ERI3: variants seen among roughly 807,000 people sequenced by gnomAD.
The protein encoded by ERI3 is ERI1 exoribonuclease 3.
Under a neutral mutation model 44.4 loss-of-function variants are expected in ERI3, and 18 were observed. The ratio of observed to expected loss-of-function variants is 0.41; its 90% CI spans 0.28 to 0.60. The LOEUF (loss-of-function observed/expected upper bound fraction) is 0.60. ERI3 is among the 20% of genes least tolerant of loss of function. ERI3 has a pLI of 0.36. For synonymous variants in ERI3, 183 were observed against 164.8 expected, an observed-to-expected ratio of 1.11 and a Z score of -0.84; for missense variants, 294 against 435.5, an observed-to-expected ratio of 0.68 and a Z score of 2.89.
Position 44,354,895 on chromosome 1 carries a change from G to A in ERI3, c.132C>T (p.Pro44=), listed in dbSNP as rs887219679. ...GGGGCCATTCAGCATCACCCACCCCGGGGTGTTGCCCCCAACTCGGGCCCA... is the reference window on the plus strand; with the variant it reads ...GGGGCCATTCAGCATCACCCACCCCAGGGTGTTGCCCCCAACTCGGGCCCA... ...TWMGPSWGQH[P]GHWGFPALTE... The change falls in exon 1 of 9, where the codon CCC becomes CCT. Residue 44 remains proline (P), a synonymous_variant. Coordinates refer to ENST00000372257, the MANE Select transcript of ERI3 (RefSeq NM_024066.3). The A allele has an allele frequency of 3.0e-6, 4 of 1,316,700 alleles. No homozygotes were observed. Among genetic ancestry groups the A allele is most frequent in the Non-Finnish European group, 3.9e-6 (4 of 1,024,002 alleles). 81.6% of individuals were successfully genotyped at this position (1,316,700 alleles called of 1,614,324 possible). A position where few individuals can be genotyped will look rare whatever the true frequency, so the allele number is the denominator to read the frequency against.
chr1:44,327,094 C>T (rs1433266185), intron 3 of ERI3, among the ~76,000 whole-genome samples: 1 of 152,156 alleles, frequency 6.6e-6, no homozygotes, highest in South Asian at 2.1e-4. Flanking sequence ...TGAAGCTGAC[C>T]CTTCAAGGGC....
intron 7 of ERI3, among the ~76,000 whole-genome samples, chr1:44,272,992 G>A (rs1288262848): frequency 6.6e-6 from 1 of 152,034 alleles, no homozygotes; most frequent in East Asian, 1.9e-4. Flanking sequence ...GAAGAACGAA[G>A]GGAATGTCTG....
At chr1:44,223,316 G>A (rs1258351097) in intron 8 of ERI3, among the ~76,000 whole-genome samples, 1 of 152,186 alleles carries the variant, frequency 6.6e-6, no homozygotes, top group Non-Finnish European at 1.5e-5. Flanking sequence ...TTTGGGGGTA[G>A]TGGGTGGAGG....
At chr1:44,353,590 C>A in intron 1 of ERI3, 1 of 985,428 alleles carries the variant, frequency 1.0e-6, no homozygotes, top group Non-Finnish European at 1.2e-6. Context: ...CTTTCTTCTA[C>A]TCAGATCCCC....
intron 7 of ERI3, among the ~76,000 whole-genome samples, chr1:44,264,280 C>G (rs1002386131): frequency 6.6e-6 from 1 of 152,174 alleles, no homozygotes; most frequent in Non-Finnish European, 1.5e-5. Flanking sequence ...AGGTTACTGA[C>G]AAGAAACATC....
At chr1:44,283,669 A>G (rs1645333852) in intron 7 of ERI3, among the ~76,000 whole-genome samples, 1 of 152,180 alleles carries the variant, frequency 6.6e-6, no homozygotes, top group Non-Finnish European at 1.5e-5. Flanking sequence ...AACCAAGTGC[A>G]AAGCACCTGT....
chr1:44,248,065 C>T (rs779223452), intron 7 of ERI3, 27 bp from the exon 8 acceptor site: 5 of 1,583,288 alleles, frequency 3.2e-6, no homozygotes, highest in Non-Finnish European at 4.3e-6. Context: ...AAGTGGTTAA[C>T]GGAGGCCCTG....
intron 2 of ERI3, among the ~76,000 whole-genome samples, chr1:44,341,684 C>A (rs1465818705): frequency 6.6e-6 from 1 of 151,962 alleles, no homozygotes; most frequent in Non-Finnish European, 1.5e-5. Context: ...CCCAGGAGTT[C>A]GAAACCAGCC....
chr1:44,343,742 A>G (rs138853423), intron 2 of ERI3, among the ~76,000 whole-genome samples: 173 of 152,280 alleles, frequency 1.1e-3, no homozygotes, highest in Middle Eastern at 6.8e-3. Flanking sequence ...TTTTATATCA[A>G]TGTTAATTTC....
intron 6 of ERI3, among the ~76,000 whole-genome samples, chr1:44,305,519 A>G (rs1645813732): frequency 6.6e-6 from 1 of 152,264 alleles, no homozygotes; most frequent in Non-Finnish European, 1.5e-5. Context: ...TTAAATCCAC[A>G]TCACTAAATA....
intron 7 of ERI3, among the ~76,000 whole-genome samples, chr1:44,280,366 C>A (rs1645261286): frequency 6.6e-6 from 1 of 152,064 alleles, no homozygotes; most frequent in South Asian, 2.1e-4. Context: ...AGGAATTGGC[C>A]CATTTCTCTA....
intron 1 of ERI3, 66 bp downstream of exon 1, chr1:44,354,826 C>T: frequency 1.5e-6 from 2 of 1,310,160 alleles, no homozygotes; most frequent in Non-Finnish European, 2.0e-6. Context: ...TTCTGCGCAC[C>T]GCGACCCTCA....
chr1:44,250,915 G>C (rs535692281), intron 7 of ERI3, among the ~76,000 whole-genome samples: 3 of 152,162 alleles, frequency 2.0e-5, no homozygotes, highest in Non-Finnish European at 4.4e-5. Flanking sequence ...CCCGCTGTTG[G>C]CCCTGCTGAG....
At chr1:44,234,481 G>T (rs1644259169) in intron 8 of ERI3, among the ~76,000 whole-genome samples, 1 of 151,660 alleles carries the variant, frequency 6.6e-6, no homozygotes, top group African/African-American at 2.4e-5. Context: ...GGCCAACATG[G>T]CGAAACCCCA....
chr1:44,254,663 A>G (rs1162007970), intron 7 of ERI3, among the ~76,000 whole-genome samples: 1 of 152,010 alleles, frequency 6.6e-6, no homozygotes, highest in African/African-American at 2.4e-5. Context: ...GCAACCCTCA[A>G]TGGTACTCAC....
At chr1:44,268,910 C>T (rs972156302) in intron 7 of ERI3, among the ~76,000 whole-genome samples, 4 of 152,184 alleles carry the variant, frequency 2.6e-5, no homozygotes, top group African/African-American at 9.7e-5. Flanking sequence ...AAGCCCAAAG[C>T]CTAAAAGCAT....
Position 44,281,878 on chromosome 1 carries a change from A to ATGTGTGTGTG in ERI3, c.831+2947_831+2956dup, listed in dbSNP as rs10574197. Among the ~76,000 whole-genome samples, 809 of 126,972 alleles carry ATGTGTGTGTG rather than the reference A, an allele frequency of 6.4e-3. 10 individuals are homozygous for ATGTGTGTGTG. The highest frequency in any genetic ancestry group is 0.017 in the South Asian group (59 of 3,540). The allele number at this position is 126,972 out of a possible 152,430, so 83.3% of individuals were successfully genotyped here. ...CATGTGTATATTTATACATGTGCAT[A>ATGTGTGTGTG]TGTGTGTGTGTGTGTGTGTGTGTGT... On this transcript the variant is annotated intron_variant, in intron 7 of 8. Coordinates refer to ENST00000372257, the MANE Select transcript of ERI3 (RefSeq NM_024066.3).
chr1:44,229,913 G>A (rs1644137166), intron 8 of ERI3, among the ~76,000 whole-genome samples: 1 of 152,120 alleles, frequency 6.6e-6, no homozygotes, highest in Non-Finnish European at 1.5e-5. Flanking sequence ...GGGACCACAG[G>A]ACAAAGACCA....
intron 3 of ERI3, among the ~76,000 whole-genome samples, chr1:44,331,924 C>T (rs1646438052): frequency 6.6e-6 from 1 of 152,224 alleles, no homozygotes; most frequent in Non-Finnish European, 1.5e-5. Context: ...TGTGCCCCCA[C>T]TGTACCAAGT....
Sources: allele counts gnomAD v4.1 joint callset (sites outside exome capture counted in the v4.1 genomes callset), GRCh38; gene constraint gnomAD v4.1.1; transcripts MANE v1.5; gene names NCBI Gene and HGNC (gene_info 2026-07-23, HGNC 2026-07-21).